Variants in SPTLC3 observed in about 807,000 individuals in gnomAD.
SPTLC3 encodes the protein serine palmitoyltransferase 3.
In SPTLC3, 36 loss-of-function variants were observed where a neutral mutation model predicts 59.3. The ratio of observed to expected loss-of-function variants is 0.61; its 90% confidence interval spans 0.47 to 0.80. SPTLC3 has a LOEUF of 0.80. Ranked by LOEUF, SPTLC3 falls within the 30% of genes least tolerant of loss-of-function variation. The pLI, the probability that SPTLC3 is intolerant of heterozygous loss-of-function variation, is 0.00. For missense variants in SPTLC3, 625 were observed against 685.1 expected (o/e 0.91, Z 0.98); for synonymous variants, 257 against 240.8 (o/e 1.07, Z -0.62).
At chr20:13,088,080 C>T (rs1351373137) in intron 4 of SPTLC3, among the ~76,000 whole-genome samples, 1 of 152,200 alleles carries the variant, frequency 6.6e-6, no homozygotes, top group Non-Finnish European at 1.5e-5. Flanking sequence ...CATGCCCAGG[C>T]TGTTGGCCTT....
chr20:13,083,564 T>A (rs1988912273), intron 4 of SPTLC3, among the ~76,000 whole-genome samples: 1 of 152,188 alleles, frequency 6.6e-6, no homozygotes, highest in South Asian at 2.1e-4. Context: ...CTAACTTACT[T>A]TTATGAAAGC....
At chr20:13,096,585 T>C (rs6134786) in intron 6 of SPTLC3, among the ~76,000 whole-genome samples, 46,654 of 151,960 alleles carry the variant, frequency 0.31, 7,981 homozygotes, top group Middle Eastern at 0.4. Context: ...AATTCAAAAA[T>C]AGACAAAACT....
intron 2 of SPTLC3, among the ~76,000 whole-genome samples, chr20:13,064,725 C>T (rs978909304): frequency 3.9e-5 from 6 of 152,102 alleles, no homozygotes; most frequent in African/African-American, 1.2e-4. Flanking sequence ...AATTAGCTTG[C>T]GAGGTATAGA....
intron 6 of SPTLC3, among the ~76,000 whole-genome samples, chr20:13,102,109 G>C (rs1281033229): frequency 6.6e-6 from 1 of 152,154 alleles, no homozygotes; most frequent in Non-Finnish European, 1.5e-5. Flanking sequence ...AAAACTCTGA[G>C]CACTACCTAG....
At chr20:13,032,250 G>T (rs1174332262) in intron 1 of SPTLC3, among the ~76,000 whole-genome samples, 1 of 152,190 alleles carries the variant, frequency 6.6e-6, no homozygotes, top group Non-Finnish European at 1.5e-5. Context: ...TTGCAGGATG[G>T]TGAAGGATAG....
chr20:13,096,730 G>A lies in SPTLC3; in HGVS notation c.826+3153G>A, dbSNP rs970348258. Among the ~76,000 whole-genome samples, 17 of 152,002 alleles carry A rather than the reference G, an allele frequency of 1.1e-4. No individual in the cohort carries two copies. In the East Asian group the frequency reaches 1.2e-3, roughly 10 times the overall value. On this transcript the variant is annotated intron_variant, in intron 6 of 11. Transcript: ENST00000399002. ...GGTTACATTCTTATTTAAATTCATC[G>A]AATTGTACACTTAATATTTGTATGT... is the stretch of plus-strand genomic sequence containing the variant.
intron 11 of SPTLC3, 111 bp from the exon 12 acceptor site, chr20:13,164,643 C>A (rs1347177601): frequency 3.9e-6 from 3 of 766,878 alleles, no homozygotes; most frequent in Non-Finnish European, 6.4e-6. Flanking sequence ...ATCAAAGAAG[C>A]TAGCAAACTA....
intron 2 of SPTLC3, 48 bp downstream of exon 2, chr20:13,049,178 TA>T: frequency 6.3e-7 from 1 of 1,592,410 alleles, no homozygotes; most frequent in Non-Finnish European, 8.6e-7. Flanking sequence ...TACTCCTCTC[TA>T]AAGTGTTCTC....
chr20:13,036,102 A>G (rs1249555755), intron 1 of SPTLC3, among the ~76,000 whole-genome samples: 1 of 152,160 alleles, frequency 6.6e-6, no homozygotes, highest in Admixed American at 6.6e-5. Flanking sequence ...CTAAAAGCAG[A>G]GTTTTCTACT....
chr20:13,125,359 G>T (rs1472898018), intron 8 of SPTLC3, among the ~76,000 whole-genome samples: 1 of 152,190 alleles, frequency 6.6e-6, no homozygotes, highest in African/African-American at 2.4e-5. Flanking sequence ...GTTCTCTGCT[G>T]CCAAAGGCAT....
At chr20:13,081,935 T>C (rs560027075) in intron 4 of SPTLC3, among the ~76,000 whole-genome samples, 3 of 152,296 alleles carry the variant, frequency 2.0e-5, no homozygotes, top group Admixed American at 6.5e-5. Context: ...TCTTAAAGCC[T>C]TTTGGCAATT....
intron 8 of SPTLC3, among the ~76,000 whole-genome samples, chr20:13,123,043 A>G (rs1600324096): frequency 6.6e-6 from 1 of 152,140 alleles, no homozygotes; most frequent in African/African-American, 2.4e-5. Context: ...TTGATTAACA[A>G]TACTCGGCCA....
At chr20:13,125,168 T>C (rs953037110) in intron 8 of SPTLC3, among the ~76,000 whole-genome samples, 2 of 152,128 alleles carry the variant, frequency 1.3e-5, no homozygotes, top group Admixed American at 1.3e-4. Context: ...TCTGAGGCCC[T>C]CACCACTGCG....
At chr20:13,110,405 A>T (rs1990163689) in intron 7 of SPTLC3, among the ~76,000 whole-genome samples, 188 bp downstream of exon 7, 1 of 152,120 alleles carries the variant, frequency 6.6e-6, no homozygotes, top group African/African-American at 2.4e-5. Context: ...ATGACTCTAT[A>T]TATGGCACAG....
At chr20:13,142,389 G>A (rs2038404592) in intron 9 of SPTLC3, among the ~76,000 whole-genome samples, 1 of 152,160 alleles carries the variant, frequency 6.6e-6, no homozygotes, top group Admixed American at 6.5e-5. Flanking sequence ...TGTTGGTTCA[G>A]TACAAGTGGG....
intron 9 of SPTLC3, among the ~76,000 whole-genome samples, chr20:13,149,646 T>C (rs1339692593): frequency 6.6e-6 from 1 of 152,256 alleles, no homozygotes; most frequent in African/African-American, 2.4e-5. Context: ...CATGCTGTGC[T>C]AAATGGTTTA....
chr20:13,025,554 G>T (rs1735483231), intron 1 of SPTLC3, among the ~76,000 whole-genome samples: 1 of 152,090 alleles, frequency 6.6e-6, no homozygotes, highest in Non-Finnish European at 1.5e-5. Flanking sequence ...ATAAGATAAT[G>T]CATGCAAAGC....
chr20:13,152,179 G>A (rs1217056770), intron 9 of SPTLC3, among the ~76,000 whole-genome samples: 1 of 152,108 alleles, frequency 6.6e-6, no homozygotes, highest in Non-Finnish European at 1.5e-5. Flanking sequence ...GTAAATTTGT[G>A]TAAGTTACTT....
intron 9 of SPTLC3, among the ~76,000 whole-genome samples, chr20:13,141,145 A>G (rs2038373084): frequency 6.6e-6 from 1 of 152,248 alleles, no homozygotes; most frequent in Non-Finnish European, 1.5e-5. Flanking sequence ...CTCTTAAGAG[A>G]GGAATTTTCT....
Sources: gnomAD v4.1 joint callset for allele counts (sites outside exome capture counted in the v4.1 genomes callset) on GRCh38, gnomAD v4.1.1 for gene constraint, MANE v1.5 for transcripts, NCBI Gene and HGNC (gene_info 2026-07-23, HGNC 2026-07-21) for gene names.